Variants in KIAA1217 observed in about 807,000 individuals in gnomAD.
KIAA1217 encodes the protein KIAA1217.
In KIAA1217, 88 loss-of-function variants were observed where a neutral mutation model predicts 163.9. The observed-to-expected ratio is 0.54, with a 90% CI of 0.45 to 0.64. The LOEUF is 0.64. Among genes scored for constraint, KIAA1217 ranks in the 30% least tolerant of loss-of-function variants. KIAA1217 has a pLI of 0.00. For synonymous variants in KIAA1217, 903 were observed against 923.1 expected (o/e 0.98, Z 0.39); for missense variants, 2,372 against 2,475.0 (o/e 0.96, Z 0.88).
At chr10:23,934,150 G>A (rs895545822) in intron 1 of KIAA1217, among the ~76,000 whole-genome samples, 20 of 152,124 alleles carry the variant, frequency 1.3e-4, no homozygotes, top group African/African-American at 4.1e-4. Context: ...ACGCCTATCA[G>A]TGATAGACTG....
At chr10:24,289,813 G>A (rs948654528) in intron 2 of KIAA1217, among the ~76,000 whole-genome samples, 12 of 152,148 alleles carry the variant, frequency 7.9e-5, no homozygotes, top group Non-Finnish European at 1.8e-4. Context: ...AGATTGGGCT[G>A]TGTGGGGGTG....
chr10:24,067,238 G>A (rs1337335535), intron 2 of KIAA1217, among the ~76,000 whole-genome samples: 8 of 152,152 alleles, frequency 5.3e-5, no homozygotes, highest in East Asian at 1.9e-4. Context: ...AGTGTTTCCC[G>A]TTTTTCTGCT....
intron 3 of KIAA1217, among the ~76,000 whole-genome samples, chr10:24,409,551 T>G (rs949749196): frequency 7.9e-5 from 12 of 152,238 alleles, no homozygotes; most frequent in African/African-American, 2.7e-4. Context: ...TATCCATATA[T>G]CAAAACTTAC....
intron 1 of KIAA1217, among the ~76,000 whole-genome samples, chr10:23,925,980 T>C (rs922326421): frequency 3.9e-5 from 6 of 152,184 alleles, no homozygotes; most frequent in Non-Finnish European, 8.8e-5. Flanking sequence ...AACTTTCTCA[T>C]ACTGGATTTC....
chr10:24,468,669 G>A (rs1457607905), intron 5 of KIAA1217, among the ~76,000 whole-genome samples: 5 of 152,246 alleles, frequency 3.3e-5, no homozygotes, highest in East Asian at 1.9e-4. Flanking sequence ...CTCCAGATCC[G>A]GGCTGCTGAC....
intron 1 of KIAA1217, among the ~76,000 whole-genome samples, chr10:23,998,261 G>C (rs1846587864): frequency 6.6e-6 from 1 of 151,982 alleles, no homozygotes; most frequent in Non-Finnish European, 1.5e-5. Flanking sequence ...TTTGCAGTCT[G>C]GCCCCATCCT....
intron 1 of KIAA1217, among the ~76,000 whole-genome samples, chr10:23,732,953 A>T (rs1838559174): frequency 6.6e-6 from 1 of 152,116 alleles, no homozygotes; most frequent in Admixed American, 6.6e-5. Context: ...TGATTTACTT[A>T]ATGTATTTTA....
At chr10:24,171,636 C>T (rs2065631664) in intron 2 of KIAA1217, among the ~76,000 whole-genome samples, 1 of 152,052 alleles carries the variant, frequency 6.6e-6, no homozygotes, top group Admixed American at 6.5e-5. Flanking sequence ...GAAACCCCGT[C>T]TCTACTAAAA....
At chr10:23,858,682 A>G (rs900105493) in intron 1 of KIAA1217, among the ~76,000 whole-genome samples, 2 of 152,134 alleles carry the variant, frequency 1.3e-5, no homozygotes, top group East Asian at 1.9e-4. Flanking sequence ...GGATCCCTCC[A>G]GTCTTCAACC....
intron 2 of KIAA1217, among the ~76,000 whole-genome samples, chr10:24,234,785 CTTAA>C (rs1321637370): frequency 7.9e-5 from 12 of 151,764 alleles, no homozygotes; most frequent in African/African-American, 2.9e-4. Flanking sequence ...AACTGATGGA[CTTAA>C]TTATATTCCT....
chr10:23,947,570 CTTTA>C (rs1256058037), intron 1 of KIAA1217, among the ~76,000 whole-genome samples: 1 of 152,172 alleles, frequency 6.6e-6, no homozygotes, highest in Non-Finnish European at 1.5e-5. Flanking sequence ...TCTCCTCTTT[CTTTA>C]TTTCAACAAG....
intron 2 of KIAA1217, among the ~76,000 whole-genome samples, chr10:24,024,981 C>T (rs1206377137): frequency 6.6e-6 from 1 of 151,592 alleles, no homozygotes; most frequent in Admixed American, 6.6e-5. Flanking sequence ...TATTTCTTAC[C>T]TATGCATTTC....
chr10:24,122,267 A>G (rs2063311585), intron 2 of KIAA1217, among the ~76,000 whole-genome samples: 1 of 151,414 alleles, frequency 6.6e-6, no homozygotes, highest in Non-Finnish European at 1.5e-5. Flanking sequence ...CTGTTTCTGT[A>G]TTAATTCACT....
intron 1 of KIAA1217, among the ~76,000 whole-genome samples, chr10:23,893,913 G>T (rs889334315): frequency 6.6e-6 from 1 of 151,954 alleles, no homozygotes; most frequent in African/African-American, 2.4e-5. Flanking sequence ...AATAGATGCA[G>T]AAAAGGCCTT....
chr10:24,316,855 A>G (rs2043443762), intron 2 of KIAA1217, among the ~76,000 whole-genome samples: 1 of 152,192 alleles, frequency 6.6e-6, no homozygotes, highest in Non-Finnish European at 1.5e-5. Flanking sequence ...GTGGTCTTCT[A>G]TGGAGAAAGG....
intron 2 of KIAA1217, among the ~76,000 whole-genome samples, chr10:24,121,446 C>T (rs1282417882): frequency 6.6e-6 from 1 of 152,130 alleles, no homozygotes; most frequent in Non-Finnish European, 1.5e-5. Flanking sequence ...GAGAAAATCG[C>T]ATGTTAGTGA....
intron 5 of KIAA1217, among the ~76,000 whole-genome samples, chr10:24,462,338 G>T (rs2062494845): frequency 6.6e-6 from 1 of 152,068 alleles, no homozygotes; most frequent in African/African-American, 2.4e-5. Context: ...GTGAAAATCT[G>T]GACCTGTGAA....
chr10:23,807,237 G>C (rs118110872), intron 1 of KIAA1217, among the ~76,000 whole-genome samples: 6,034 of 152,312 alleles, frequency 0.04, 155 homozygotes, highest in South Asian at 0.08. Context: ...TATGGCTTTT[G>C]TTTAGTGGAT....
intron 1 of KIAA1217, among the ~76,000 whole-genome samples, chr10:23,871,105 T>C (rs891557896): frequency 6.6e-6 from 1 of 151,950 alleles, no homozygotes; most frequent in Non-Finnish European, 1.5e-5. Context: ...TAGGAATGAA[T>C]GTGAAACACT....
Sources: allele counts gnomAD v4.1 joint callset (sites outside exome capture counted in the v4.1 genomes callset), GRCh38; gene constraint gnomAD v4.1.1; transcripts MANE v1.5; gene names NCBI Gene and HGNC (gene_info 2026-07-23, HGNC 2026-07-21).